NCOA2: variants seen among roughly 807,000 people sequenced by gnomAD.
NCOA2 encodes nuclear receptor coactivator 2, also known as class E basic helix-loop-helix protein 75.
NCOA2 carries 21 observed loss-of-function variants against 145.1 expected under a neutral mutation model. The observed-to-expected ratio is 0.14, with a 90% CI of 0.10 to 0.21. NCOA2 has a LOEUF of 0.21. NCOA2 is among the 10% of genes least tolerant of loss of function. NCOA2 has a pLI of 1.00. For synonymous variants in NCOA2, 619 were observed against 637.5 expected (o/e 0.97, Z 0.44); for missense variants, 1,472 against 1,837.6 (o/e 0.80, Z 3.64).
chr8:70,219,851 C>G (rs1256188448), intron 2 of NCOA2, among the ~76,000 whole-genome samples: 2 of 152,058 alleles, frequency 1.3e-5, no homozygotes, highest in Non-Finnish European at 2.9e-5. Flanking sequence ...GGGCTGGCAG[C>G]AAGTGTCAGT....
intron 2 of NCOA2, among the ~76,000 whole-genome samples, chr8:70,245,829 A>G (rs1822569466): frequency 6.6e-6 from 1 of 152,120 alleles, no homozygotes; most frequent in Non-Finnish European, 1.5e-5. Context: ...TACTCTCTTG[A>G]GCTTTGCCCT....
rs1491050365 is a variant in NCOA2, at chr8:70,124,867, T to TA, written c.3917-3_3917-2insT. On this transcript the variant is annotated splice_polypyrimidine_tract_variant and splice_region_variant and intron_variant, in intron 19 of 22. Transcript: ENST00000452400. ...CTGGATCAGGTTGCTGACTTATTCCTTAAAAAAAAAAACAGAAACAGAAAT... is the reference window on the plus strand; with the variant it reads ...CTGGATCAGGTTGCTGACTTATTCCTATAAAAAAAAAAACAGAAACAGAAAT... The TA allele has an allele frequency of 1.3e-6, 2 of 1,565,552 alleles. No individual in the cohort carries two copies. Among genetic ancestry groups the TA allele is most frequent in the Admixed American group, 2.1e-5 (1 of 47,962 alleles).
intron 1 of NCOA2, 31 bp downstream of exon 1, chr8:70,403,669 C>T (rs1295708646): frequency 2.6e-6 from 1 of 377,408 alleles, no homozygotes; most frequent in Non-Finnish European, 4.7e-6. Context: ...CCCCCGCCCG[C>T]CCTCGCGGCC....
At chr8:70,419,103 A>T in the NCOA2 span, among the ~76,000 whole-genome samples, 2 of 131,352 alleles carry the variant, frequency 1.5e-5, no homozygotes, top group Non-Finnish European at 3.2e-5. Context: ...AGGATTTTAT[A>T]AAAAAAAAAA....
intron 1 of NCOA2, among the ~76,000 whole-genome samples, chr8:70,324,588 G>A (rs149179372): frequency 3.3e-5 from 5 of 151,280 alleles, no homozygotes; most frequent in South Asian, 2.1e-4. Context: ...CAATCCACCC[G>A]CCTTGGCCTC....
At position 70,156,126 on chromosome 8, in the gene NCOA2, A is replaced by G. The variant is rs1235849803; in HGVS notation, c.2239T>C (p.Tyr747His). 1.2e-6 allele frequency: 2 copies of G among 1,613,960 alleles called. No homozygotes were observed. Among genetic ancestry groups the G allele is most frequent in the Non-Finnish European group, 1.7e-6 (2 of 1,179,880 alleles). ...TTAGTATCATCTTTATCTAGCAAAT[A>G]GCGAAGTAGTGCATTCTCTTTCTTC... Reference protein sequence around the residue: ...PKKKENALLRYLLDKDDTKDI... With the variant: ...PKKKENALLRHLLDKDDTKDI... Residue 747 changes from tyrosine to histidine, a missense_variant, in exon 11 of 23, where the codon TAT becomes CAT. By Grantham distance (83) the Tyr-to-His change is moderately conservative (BLOSUM62 2). This residue lies in a region of NCOA2 where 953 missense variants were observed against 1,062.1 expected (regional missense o/e 0.90). Transcript: ENST00000452400.
At chr8:70,173,129 T>A (rs1272887750) in intron 5 of NCOA2, among the ~76,000 whole-genome samples, 1 of 152,220 alleles carries the variant, frequency 6.6e-6, no homozygotes. Context: ...ATGCACTAAA[T>A]TCTCAGAAGA....
At chr8:70,243,111 T>C (rs1277578376) in intron 2 of NCOA2, among the ~76,000 whole-genome samples, 2 of 152,154 alleles carry the variant, frequency 1.3e-5, no homozygotes, top group African/African-American at 4.8e-5. Flanking sequence ...TTAATCTGTT[T>C]ATGAAAATAC....
At chr8:70,404,221 A>C (rs1460056220), upstream of NCOA2, among the ~76,000 whole-genome samples, 1 of 152,196 alleles carries the variant, frequency 6.6e-6, no homozygotes, top group Non-Finnish European at 1.5e-5. Flanking sequence ...GGTGACTGGA[A>C]CTGAAGAGAG....
intron 2 of NCOA2, among the ~76,000 whole-genome samples, chr8:70,235,025 C>T (rs542332932): frequency 6.6e-6 from 1 of 152,272 alleles, no homozygotes; most frequent in Non-Finnish European, 1.5e-5. Flanking sequence ...TACATCCATG[C>T]TCTAAGCAGC....
At chr8:70,125,426 T>C (rs1170156362) in intron 19 of NCOA2, among the ~76,000 whole-genome samples, 1 of 152,092 alleles carries the variant, frequency 6.6e-6, no homozygotes, top group Non-Finnish European at 1.5e-5. Flanking sequence ...CATGCCCAGC[T>C]AATTTTTTTA....
upstream of NCOA2, among the ~76,000 whole-genome samples, chr8:70,405,017 G>A (rs140999270): frequency 3.3e-3 from 501 of 152,312 alleles, 3 homozygotes; most frequent in African/African-American, 0.011. Flanking sequence ...ATCTGACTGT[G>A]CTAGGTGATG....
chr8:70,374,752 T>C (rs1811519003), intron 1 of NCOA2, among the ~76,000 whole-genome samples: 1 of 150,230 alleles, frequency 6.7e-6, no homozygotes, highest in Non-Finnish European at 1.5e-5. Flanking sequence ...CAGTGAGCTA[T>C]GATCATGCTA....
At chr8:70,373,220 A>G (rs762439425) in intron 1 of NCOA2, among the ~76,000 whole-genome samples, 3 of 152,228 alleles carry the variant, frequency 2.0e-5, no homozygotes, top group Non-Finnish European at 4.4e-5. Flanking sequence ...CCAGCAAAGA[A>G]TGAGATCTAA....
chr8:70,330,395 C>T (rs1364620174), intron 1 of NCOA2, among the ~76,000 whole-genome samples: 1 of 151,844 alleles, frequency 6.6e-6, no homozygotes, highest in African/African-American at 2.4e-5. Flanking sequence ...CATAGAGAGG[C>T]TCCTGTCCCT....
At chr8:70,311,273 G>A (rs1805094597) in intron 1 of NCOA2, among the ~76,000 whole-genome samples, 1 of 151,978 alleles carries the variant, frequency 6.6e-6, no homozygotes, top group African/African-American at 2.4e-5. Flanking sequence ...AAAGGAATAG[G>A]GTGGGGGAAA....
rs185066380 is a variant in NCOA2 at position 70,284,940 on chromosome 8, A to T, written c.-20+11804T>A. ...CAGATGTCCCACGGAGCAGGGAAGT[A>T]GAATCTATACGGGGAGAACAGATTA... is the stretch of plus-strand genomic sequence containing the variant. On this transcript the variant is annotated intron_variant, in intron 2 of 22. Coordinates refer to ENST00000452400, the MANE Select transcript of NCOA2 (RefSeq NM_006540.4). 4.6e-5 allele frequency among the ~76,000 whole-genome samples: 7 copies of T among 152,290 alleles called. No individual in the cohort carries two copies. The East Asian group carries it at 1.4e-3, about 29-fold the overall frequency.
intron 2 of NCOA2, among the ~76,000 whole-genome samples, chr8:70,279,648 C>T (rs1011370023): frequency 1.3e-5 from 2 of 152,170 alleles, no homozygotes; most frequent in Admixed American, 1.3e-4. Context: ...AAATGCTGTG[C>T]CTTAATTTCA....
the NCOA2 span, among the ~76,000 whole-genome samples, chr8:70,440,434 T>A: frequency 6.6e-6 from 1 of 151,942 alleles, no homozygotes; most frequent in Non-Finnish European, 1.5e-5. Context: ...ATTAGCCAGG[T>A]GTGGCGGCAC....
Sources: allele counts gnomAD v4.1 joint callset (sites outside exome capture counted in the v4.1 genomes callset), GRCh38; gene constraint gnomAD v4.1.1; regional missense constraint gnomAD v4.1.1; transcripts MANE v1.5; gene names NCBI Gene and HGNC (gene_info 2026-07-23, HGNC 2026-07-21).